CASTOR2: variants seen among roughly 807,000 people sequenced by gnomAD.
CASTOR2 encodes cytosolic arginine sensor for mTORC1 subunit 2.
In CASTOR2, 8 loss-of-function variants were observed where a neutral mutation model predicts 31.2. The observed-to-expected ratio is 0.26, with a 90% CI of 0.15 to 0.46. The LOEUF (loss-of-function observed/expected upper bound fraction) is 0.46, where lower values mean the gene tolerates loss of function less well. CASTOR2 is among the 20% of genes least tolerant of loss of function. The probability of loss-of-function intolerance (pLI) is 0.99; values close to 1 mark genes in which losing one functional copy is unlikely to be tolerated. For missense variants in CASTOR2, 216 were observed against 382.1 expected, an observed-to-expected ratio of 0.57 and a Z score of 3.62; for synonymous variants, 162 against 158.7, an observed-to-expected ratio of 1.02 and a Z score of -0.16.
At chr7:75,021,668 C>T (rs1805008123) in intron 6 of CASTOR2, among the ~76,000 whole-genome samples, 1 of 152,122 alleles carries the variant, frequency 6.6e-6, no homozygotes, top group African/African-American at 2.4e-5. Context: ...TGACATCACC[C>T]TCCCCATCCG....
intron 1 of CASTOR2, among the ~76,000 whole-genome samples, chr7:74,975,312 T>G (rs1332775546): frequency 2.0e-5 from 3 of 150,694 alleles, no homozygotes; most frequent in African/African-American, 7.3e-5. Flanking sequence ...GGTCTCACTC[T>G]GTTGTCCACG....
intron 6 of CASTOR2, among the ~76,000 whole-genome samples, chr7:75,021,509 C>T (rs1243596975): frequency 2.0e-5 from 3 of 152,172 alleles, no homozygotes; most frequent in African/African-American, 4.8e-5. Flanking sequence ...AGGGGTTGTC[C>T]GAGGTCCACT....
At chr7:75,005,083 T>A (rs1584470821) in intron 1 of CASTOR2, among the ~76,000 whole-genome samples, 1 of 151,864 alleles carries the variant, frequency 6.6e-6, no homozygotes, top group African/African-American at 2.4e-5. Context: ...GCCAGGCTGG[T>A]CTCGAACTCC....
chr7:75,007,354 T>C (rs1359000895), intron 1 of CASTOR2, among the ~76,000 whole-genome samples: 2 of 151,962 alleles, frequency 1.3e-5, no homozygotes, highest in African/African-American at 2.4e-5. Context: ...AATAGATGGT[T>C]TTGTTTTGCG....
In CASTOR2 at chr7:75,024,708, C is replaced by T; in HGVS notation, c.*9C>T. On this transcript the variant is annotated 3_prime_UTR_variant, in exon 9 of 9. Transcript: ENST00000616305. Reference sequence around the variant, plus strand: ...AAGCAGAGAAGCACTAGAAGGGTCTCTTCTGCTCCTCCCTGCCGCCGCCCG... The same window carrying T: ...AAGCAGAGAAGCACTAGAAGGGTCTTTTCTGCTCCTCCCTGCCGCCGCCCG... 1.3e-6 allele frequency: 2 copies of T among 1,551,622 alleles called. No individual in the cohort carries two copies. Among genetic ancestry groups the T allele is most frequent in the Middle Eastern group, 3.3e-4 (2 of 5,986 alleles).
chr7:74,977,971 G>C (rs1213145607), intron 1 of CASTOR2, among the ~76,000 whole-genome samples: 1 of 150,526 alleles, frequency 6.6e-6, no homozygotes, highest in African/African-American at 2.4e-5. Context: ...GAGCTACAGC[G>C]CCTGGCCTAA....
chr7:75,012,988 A>G (rs1438680759), intron 2 of CASTOR2, among the ~76,000 whole-genome samples: 2 of 152,132 alleles, frequency 1.3e-5, no homozygotes, highest in Admixed American at 6.6e-5. Context: ...GATTCTCACT[A>G]TGTTGCCTAT....
At chr7:75,017,863 C>T (rs1462759134) in intron 3 of CASTOR2, 72 bp downstream of exon 3, 2 of 1,613,726 alleles carry the variant, frequency 1.2e-6, no homozygotes, top group Non-Finnish European at 1.7e-6. Context: ...CATCTCCCAC[C>T]CCTTGCAGCC....
Position 75,027,804 on chromosome 7 carries a change from A to G in CASTOR2, c.*3105A>G. ...TTTATCTTCTCGGCGTTCTGTGTGT[A>G]GCGTAGTCTTGGTTTGGTCTCCACA... On this transcript the variant is annotated 3_prime_UTR_variant, in exon 9 of 9. Transcript: ENST00000616305. 2 of 596,444 alleles carry G rather than the reference A, an allele frequency of 3.4e-6. No homozygotes were observed. Among genetic ancestry groups the G allele is most frequent in the South Asian group, 1.9e-5 (1 of 51,780 alleles). The allele number at this position is 596,444 out of a possible 1,614,324, so 36.9% of individuals were successfully genotyped here.
intron 2 of CASTOR2, among the ~76,000 whole-genome samples, chr7:75,010,641 G>T (rs1554439261): frequency 6.6e-6 from 1 of 151,892 alleles, no homozygotes; most frequent in African/African-American, 2.4e-5. Flanking sequence ...TTTCCCAGCC[G>T]CAGGTGCAGC....
intron 1 of CASTOR2, among the ~76,000 whole-genome samples, chr7:75,003,454 AAG>A: frequency 6.6e-6 from 1 of 151,604 alleles, no homozygotes; most frequent in East Asian, 1.9e-4. Context: ...TGTCTCAAAA[AAG>A]AAAAAAAAAA....
rs1047783249 is a variant in CASTOR2, at chr7:75,022,027, C to T, written c.829+71C>T. On this transcript the variant is annotated intron_variant, in intron 7 of 8. Transcript: ENST00000616305. ...GCTGAGCCCATTCACATACGTTGTC[C>T]GCAGTGACTCGGCCCCTGCTGGGGG... 1.1e-4 allele frequency: 162 copies of T among 1,522,904 alleles called. 1 individual carries two copies. The highest frequency in any genetic ancestry group is 4.9e-4 in the South Asian group (41 of 83,460). The allele number at this position is 1,522,904 out of a possible 1,614,324, so 94.3% of individuals were successfully genotyped here. A position where few individuals can be genotyped will look rare whatever the true frequency, so the allele number is the denominator to read the frequency against.
In CASTOR2 at chr7:75,018,968, A is replaced by G. The variant is rs1322488717; in HGVS notation, c.512-4A>G. ...CAGTGCCTGACATCTTTGTGCTCTT[A>G]CAGTCCAGAGGCCAGTCATCCACCC... is the stretch of plus-strand genomic sequence containing the variant. On this transcript the variant is annotated splice_region_variant and splice_polypyrimidine_tract_variant and intron_variant, in intron 4 of 8. Transcript: ENST00000616305. 2 of 1,551,774 alleles carry G rather than the reference A, an allele frequency of 1.3e-6. No homozygotes were observed. The highest frequency in any genetic ancestry group is 1.7e-6 in the Non-Finnish European group (2 of 1,147,004).
chr7:75,021,943 G>A lies in CASTOR2; in HGVS notation c.816G>A (p.Gln272=). ...GGAAGATGGTCCGGATTGGAGGACA[G>A]CCCCTGGGGTTTGGTGAGTCCTGGG... ...ELWKMVRIGG[Q]PLGFDECGIV... The change falls in exon 7 of 9, where the codon CAG becomes CAA. Residue 272 remains glutamine (Q), a synonymous_variant. Coordinates refer to ENST00000616305, the MANE Select transcript of CASTOR2 (RefSeq NM_001145064.3). 9.0e-6 allele frequency: 14 copies of A among 1,551,778 alleles called. No individual in the cohort carries two copies. Among genetic ancestry groups the A allele is most frequent in the Non-Finnish European group, 1.2e-5 (14 of 1,146,880 alleles).
chr7:75,009,622 C>T (rs1224128878), intron 2 of CASTOR2, among the ~76,000 whole-genome samples: 1 of 151,776 alleles, frequency 6.6e-6, no homozygotes, highest in African/African-American at 2.4e-5. Flanking sequence ...GCCCCCCCCG[C>T]CCCCACCAGG....
At chr7:75,020,480 C>A (rs1804968660) in intron 6 of CASTOR2, among the ~76,000 whole-genome samples, 1 of 146,722 alleles carries the variant, frequency 6.8e-6, no homozygotes, top group South Asian at 2.1e-4. Context: ...ATCCGCCCGC[C>A]TCAGGCGTGA....
At chr7:74,971,029 T>G (rs1394490497) in intron 1 of CASTOR2, among the ~76,000 whole-genome samples, 1 of 150,828 alleles carries the variant, frequency 6.6e-6, no homozygotes, top group Non-Finnish European at 1.5e-5. Context: ...GGAGTCTCAC[T>G]TGGTCGCCCA....
Position 75,028,040 on chromosome 7 carries a change from G to A in CASTOR2, c.*3341G>A. 1 of 1,534,824 alleles carries A rather than the reference G, an allele frequency of 6.5e-7. No homozygotes were observed. The highest frequency in any genetic ancestry group is 1.8e-4 in the Middle Eastern group (1 of 5,464). On this transcript the variant is annotated 3_prime_UTR_variant, in exon 9 of 9. Transcript: ENST00000616305. Reference sequence around the variant, plus strand: ...CCATCCCCCGGAGGTAATCAGAGGAGTGGGCCTGTTGTCTTGGCGCTGGCG... The same window carrying A: ...CCATCCCCCGGAGGTAATCAGAGGAATGGGCCTGTTGTCTTGGCGCTGGCG...
intron 8 of CASTOR2, 41 bp downstream of exon 8, chr7:75,024,575 G>T: frequency 1.3e-6 from 2 of 1,550,970 alleles, no homozygotes; most frequent in Non-Finnish European, 1.7e-6. Flanking sequence ...CAGGGCCGGG[G>T]TGGGGAAGCA....
Sources: allele counts gnomAD v4.1 joint callset (sites outside exome capture counted in the v4.1 genomes callset), GRCh38; gene constraint gnomAD v4.1.1; transcripts MANE v1.5; gene names NCBI Gene and HGNC (gene_info 2026-07-23, HGNC 2026-07-21).